The following PAK3 variants were observed in gnomAD, a reference collection of about 807,000 sequenced individuals.
The protein encoded by PAK3 is serine/threonine-protein kinase PAK 3.
A neutral mutation model predicts 41.0 loss-of-function variants in PAK3; 4 were observed. The ratio of observed to expected loss-of-function variants is 0.10; its 90% CI spans 0.05 to 0.22. The LOEUF (loss-of-function observed/expected upper bound fraction) is 0.22. Among genes scored for constraint, PAK3 ranks in the 10% least tolerant of loss-of-function variants. The pLI is 1.00. For synonymous variants in PAK3, 146 were observed against 139.6 expected (o/e 1.05, Z -0.32); for missense variants, 205 against 409.9 (o/e 0.50, Z 4.32).
chrX:111,135,966 A>C (rs1315681534), intron 5 of PAK3, among the ~76,000 whole-genome samples: 1 of 111,703 alleles, frequency 9.0e-6, no homozygotes, highest in Non-Finnish European at 1.9e-5. Context: ...TTGAGGATAC[A>C]AGAAGAAATA....
intron 1 of PAK3, among the ~76,000 whole-genome samples, chrX:110,974,529 G>T (rs926928866): frequency 1.8e-5 from 2 of 111,610 alleles, no homozygotes; most frequent in African/African-American, 3.3e-5. Context: ...TCTACCAGAG[G>T]TTCAAAGAGG....
At position 111,226,299 on chromosome X, in the gene PAK3, T is replaced by G. The variant is rs991000972; in HGVS notation, c.*5852T>G. ...TTTTTGTTTTAATGTCCATTTTCTG[T>G]TGACTGTTCCCAGTTTTCATTTTCC... On this transcript the variant is annotated 3_prime_UTR_variant, in exon 18 of 18. Transcript: ENST00000372007. The G allele has an allele frequency of 8.9e-6, 1 of 112,568 alleles. No individual in the cohort carries two copies. Among genetic ancestry groups the G allele is most frequent in the Non-Finnish European group, 1.9e-5 (1 of 53,352 alleles). The allele number at this position is 112,568 out of a possible 1,213,427, so 9.3% of individuals were successfully genotyped here. A position where few individuals can be genotyped will look rare whatever the true frequency, so the allele number is the denominator to read the frequency against.
intron 1 of PAK3, among the ~76,000 whole-genome samples, chrX:111,024,963 TG>T (rs1473787687): frequency 9.0e-6 from 1 of 111,343 alleles, no homozygotes; most frequent in East Asian, 2.8e-4. Context: ...TAAACCATAG[TG>T]GAATAAAGTT....
intron 1 of PAK3, among the ~76,000 whole-genome samples, chrX:110,947,740 G>T (rs183630673): frequency 8.9e-6 from 1 of 111,818 alleles, no homozygotes; most frequent in East Asian, 2.8e-4. Context: ...TGGGTCTACT[G>T]GTGTTGAGAG....
chrX:111,015,843 T>C (rs1471618187), intron 1 of PAK3, among the ~76,000 whole-genome samples: 1 of 112,290 alleles, frequency 8.9e-6, no homozygotes, highest in East Asian at 2.8e-4. Context: ...TAGAAGTTCT[T>C]TATATATTCT....
At chrX:111,208,037 C>T (rs1489627158) in intron 16 of PAK3, among the ~76,000 whole-genome samples, 2 of 112,486 alleles carry the variant, frequency 1.8e-5, no homozygotes, top group East Asian at 5.6e-4. Context: ...TCAGGTGATC[C>T]GCCCGCCTCG....
chrX:111,023,558 T>C (rs937024228), intron 1 of PAK3, among the ~76,000 whole-genome samples: 2 of 112,035 alleles, frequency 1.8e-5, no homozygotes. Context: ...CACCTGTTGT[T>C]TCCTGACTTT....
intron 7 of PAK3, 95 bp downstream of exon 7, chrX:111,147,985 A>G: frequency 1.4e-6 from 1 of 733,356 alleles, no homozygotes; most frequent in South Asian, 2.4e-5. Context: ...TTTGAAATCG[A>G]TTCTAGTACC....
In PAK3 at chrX:111,225,406, A is replaced by T. The variant is rs2094948034; in HGVS notation, c.*4959A>T. The T allele has an allele frequency of 8.9e-6, 1 of 112,041 alleles. No homozygotes were observed. The highest frequency in any genetic ancestry group is 1.9e-5 in the Non-Finnish European group (1 of 53,257). The allele number at this position is 112,041 out of a possible 1,213,427, so 9.2% of individuals were successfully genotyped here. On this transcript the variant is annotated 3_prime_UTR_variant, in exon 18 of 18. Coordinates refer to ENST00000372007, the MANE Select transcript of PAK3 (RefSeq NM_002578.5). ...CAACTTGTAGCATTTACTGCCACTTAATTGGGTTGAACTTGCAAGATAAAC... is the reference window on the plus strand; with the variant it reads ...CAACTTGTAGCATTTACTGCCACTTTATTGGGTTGAACTTGCAAGATAAAC...
intron 4 of PAK3, among the ~76,000 whole-genome samples, chrX:111,106,027 C>T (rs188844262): frequency 1.1e-3 from 121 of 111,646 alleles, no homozygotes; most frequent in South Asian, 5.3e-3. Flanking sequence ...CACGACTGTA[C>T]ACTCAAAATT....
In PAK3 at chrX:111,111,949, C is replaced by T. The variant is rs2093380370; in HGVS notation, c.-28+8643C>T. 2.7e-5 allele frequency among the ~76,000 whole-genome samples: 3 copies of T among 111,298 alleles called. No individual in the cohort carries two copies. In the South Asian group the frequency reaches 1.2e-3, roughly 43 times the overall value. ...CTCTCTTCTCCTGTCTTCCTATTCC[C>T]ATGCTGCATGTGCTTTCTGTCTCTT... On this transcript the variant is annotated intron_variant, in intron 4 of 17. Transcript: ENST00000372007.
intron 8 of PAK3, among the ~76,000 whole-genome samples, chrX:111,160,440 C>CATTTTATTTT (rs60050367): frequency 0.029 from 3,126 of 107,523 alleles, 73 homozygotes; most frequent in African/African-American, 0.061. Context: ...AGGCTAGCCA[C>CATTTTATTTT]ATTTTATTTT....
chrX:111,173,422 G>C (rs186818632), intron 11 of PAK3, among the ~76,000 whole-genome samples: 1 of 111,013 alleles, frequency 9.0e-6, no homozygotes, highest in Non-Finnish European at 1.9e-5. Flanking sequence ...CCCCTTTATC[G>C]CAGTTCCCCC....
chrX:111,198,706 G>A (rs868147705), intron 16 of PAK3, among the ~76,000 whole-genome samples: 2 of 110,356 alleles, frequency 1.8e-5, no homozygotes, highest in African/African-American at 3.3e-5. Flanking sequence ...TTTTTTACCA[G>A]TACCATGCTG....
chrX:111,095,883 C>T (rs2092973034), upstream of PAK3, among the ~76,000 whole-genome samples: 1 of 111,447 alleles, frequency 9.0e-6, no homozygotes, highest in Middle Eastern at 4.6e-3. Context: ...AAGGAAGATA[C>T]ATGAACTCTC....
chrX:110,969,171 C>T (rs1371327009), intron 1 of PAK3, among the ~76,000 whole-genome samples: 1 of 89,429 alleles, frequency 1.1e-5, no homozygotes, highest in Non-Finnish European at 2.1e-5. Context: ...TGGTCTCAAA[C>T]TCCCGACCTC....
intron 16 of PAK3, among the ~76,000 whole-genome samples, chrX:111,214,219 TCTTAC>T (rs1425428198): frequency 1.8e-5 from 2 of 112,194 alleles, no homozygotes; most frequent in Admixed American, 9.5e-5. Context: ...ATTCTGTGGC[TCTTAC>T]CTTTGGTGTA....
intron 5 of PAK3, among the ~76,000 whole-genome samples, chrX:111,136,483 C>T (rs769675830): frequency 1.8e-5 from 2 of 111,333 alleles, no homozygotes; most frequent in Non-Finnish European, 1.9e-5. Context: ...ACATGCTGGA[C>T]GATAGAGTCT....
intron 1 of PAK3, among the ~76,000 whole-genome samples, chrX:111,069,129 C>T (rs1422108101): frequency 1.8e-5 from 2 of 111,897 alleles, no homozygotes; most frequent in Non-Finnish European, 3.8e-5. Context: ...TCTCAGGAGT[C>T]AGTTGGTCCA....
Sources: allele counts gnomAD v4.1 joint callset (sites outside exome capture counted in the v4.1 genomes callset), GRCh38; gene constraint gnomAD v4.1.1; transcripts MANE v1.5; gene names NCBI Gene and HGNC (gene_info 2026-07-23, HGNC 2026-07-21).